Variants in GALNT13 observed in about 807,000 individuals in gnomAD.
The protein encoded by GALNT13 is UDP-GalNAc:polypeptide N-acetylgalactosaminyltransferase 13.
GALNT13 carries 28 observed loss-of-function variants against 64.2 expected under a neutral mutation model. That is an observed-to-expected ratio of 0.44 (90% CI 0.32 to 0.60). The LOEUF (loss-of-function observed/expected upper bound fraction) is 0.60. Ranked by LOEUF, GALNT13 falls within the 20% of genes least tolerant of loss-of-function variation. The probability of loss-of-function intolerance (pLI) is 0.05; values close to 1 mark genes in which losing one functional copy is unlikely to be tolerated. For synonymous variants in GALNT13, 214 were observed against 224.6 expected, an observed-to-expected ratio of 0.95 and a Z score of 0.42; for missense variants, 577 against 669.8, an observed-to-expected ratio of 0.86 and a Z score of 1.53.
At chr2:153,798,239 T>C in the GALNT13 span, among the ~76,000 whole-genome samples, 199 of 152,282 alleles carry the variant, frequency 1.3e-3, no homozygotes, top group African/African-American at 4.7e-3. Flanking sequence ...ACTGGATAAA[T>C]AGAAAATATT....
chr2:154,399,801 A>G (rs1267312342), intron 10 of GALNT13, among the ~76,000 whole-genome samples: 1 of 152,172 alleles, frequency 6.6e-6, no homozygotes, highest in African/African-American at 2.4e-5. Context: ...AAGCCTTTCT[A>G]CCAAAATAGG....
intron 12 of GALNT13, among the ~76,000 whole-genome samples, chr2:154,448,802 G>A (rs893242431): frequency 5.3e-5 from 8 of 151,986 alleles, no homozygotes; most frequent in African/African-American, 1.9e-4. Flanking sequence ...ATTGCAATAA[G>A]ACACTGGGAG....
chr2:153,327,232 C>T, the GALNT13 span, among the ~76,000 whole-genome samples: 1 of 152,090 alleles, frequency 6.6e-6, no homozygotes, highest in African/African-American at 2.4e-5. Context: ...CTGCCCTTAA[C>T]GTTTTTGCCT....
At chr2:153,545,229 C>T in the GALNT13 span, among the ~76,000 whole-genome samples, 1 of 152,126 alleles carries the variant, frequency 6.6e-6, no homozygotes. Flanking sequence ...TCAGCCATTT[C>T]TGAGATATGG....
the GALNT13 span, among the ~76,000 whole-genome samples, chr2:153,182,799 T>A: frequency 6.6e-6 from 1 of 152,262 alleles, no homozygotes; most frequent in Admixed American, 6.5e-5. Context: ...ATCTTGTTCA[T>A]GTTTATGGCT....
chr2:154,307,979 G>A (rs941083460), intron 9 of GALNT13, among the ~76,000 whole-genome samples: 1 of 152,036 alleles, frequency 6.6e-6, no homozygotes, highest in Non-Finnish European at 1.5e-5. Context: ...TCTTTTGAGG[G>A]GAAGGTAGAT....
At chr2:153,271,762 A>C in the GALNT13 span, among the ~76,000 whole-genome samples, 2 of 152,216 alleles carry the variant, frequency 1.3e-5, no homozygotes, top group Non-Finnish European at 2.9e-5. Flanking sequence ...ATTAGAAAAC[A>C]CTACTTTAAA....
At chr2:153,083,393 C>A in the GALNT13 span, among the ~76,000 whole-genome samples, 1 of 152,150 alleles carries the variant, frequency 6.6e-6, no homozygotes, top group African/African-American at 2.4e-5. Flanking sequence ...CACATCTACC[C>A]CAACATCTAT....
the GALNT13 span, among the ~76,000 whole-genome samples, chr2:153,658,873 A>G: frequency 6.6e-6 from 1 of 152,070 alleles, no homozygotes; most frequent in South Asian, 2.1e-4. Flanking sequence ...AGTTTTAAAT[A>G]CTATGCAAGA....
At chr2:153,475,049 AGTT>A in the GALNT13 span, among the ~76,000 whole-genome samples, 1 of 152,238 alleles carries the variant, frequency 6.6e-6, no homozygotes. Flanking sequence ...CATTTAAAGC[AGTT>A]GTTAGAATGA....
chr2:154,364,319 C>T (rs1697240286), intron 9 of GALNT13, among the ~76,000 whole-genome samples: 1 of 152,086 alleles, frequency 6.6e-6, no homozygotes, highest in African/African-American at 2.4e-5. Flanking sequence ...TATTTTTAAC[C>T]TAACTGTATA....
chr2:153,482,291 C>T, the GALNT13 span, among the ~76,000 whole-genome samples: 1 of 151,984 alleles, frequency 6.6e-6, no homozygotes, highest in East Asian at 1.9e-4. Context: ...AGAGTAACAA[C>T]AGAAGGAAAA....
the GALNT13 span, among the ~76,000 whole-genome samples, chr2:153,411,945 A>T: frequency 6.6e-6 from 1 of 152,180 alleles, no homozygotes; most frequent in African/African-American, 2.4e-5. Context: ...GGGCTAGGAA[A>T]GGCAGACCTA....
chr2:153,571,362 C>G, the GALNT13 span, among the ~76,000 whole-genome samples: 26 of 152,034 alleles, frequency 1.7e-4, no homozygotes, highest in Non-Finnish European at 3.2e-4. Flanking sequence ...CTTGTGTAAT[C>G]TTTAGGTTTT....
At chr2:153,445,481 G>A in the GALNT13 span, among the ~76,000 whole-genome samples, 9 of 152,212 alleles carry the variant, frequency 5.9e-5, no homozygotes, top group African/African-American at 1.7e-4. Flanking sequence ...GGGCTCAGGT[G>A]ATCCTCCTGC....
At chr2:153,588,679 G>A in the GALNT13 span, among the ~76,000 whole-genome samples, 3 of 152,214 alleles carry the variant, frequency 2.0e-5, no homozygotes, top group African/African-American at 7.2e-5. Context: ...TTGTCTTGGG[G>A]ATTAACATTT....
At chr2:153,501,107 C>G in the GALNT13 span, among the ~76,000 whole-genome samples, 697 of 151,860 alleles carry the variant, frequency 4.6e-3, 5 homozygotes, top group African/African-American at 0.016. Flanking sequence ...TTTTGGGAAG[C>G]CTATCAAATA....
At chr2:153,973,485 AC>A (rs1336109985) in intron 3 of GALNT13, among the ~76,000 whole-genome samples, 2 of 152,056 alleles carry the variant, frequency 1.3e-5, no homozygotes, top group Admixed American at 6.6e-5. Context: ...TGCCAAATTT[AC>A]AGTAACCCAT....
chr2:154,015,611 G>T (rs1696950252), intron 3 of GALNT13, among the ~76,000 whole-genome samples: 1 of 152,132 alleles, frequency 6.6e-6, no homozygotes, highest in African/African-American at 2.4e-5. Context: ...CTGTCCACTT[G>T]AAAATTTATG....
Sources: allele counts gnomAD v4.1 joint callset (sites outside exome capture counted in the v4.1 genomes callset), GRCh38; gene constraint gnomAD v4.1.1; transcripts MANE v1.5; gene names NCBI Gene and HGNC (gene_info 2026-07-23, HGNC 2026-07-21).